The following APBA1 variants were observed in gnomAD, a reference collection of about 807,000 sequenced individuals.
APBA1 encodes the protein amyloid beta precursor protein binding family A member 1, also known as amyloid-beta A4 precursor protein-binding family A member 1.
Under a neutral mutation model 86.6 loss-of-function variants are expected in APBA1, and 55 were observed. The ratio of observed to expected loss-of-function variants is 0.64; its 90% CI spans 0.51 to 0.80. The LOEUF is 0.80. APBA1 is among the 30% of genes least tolerant of loss of function. APBA1 has a pLI of 0.00. For missense variants in APBA1, 1,090 were observed against 1,183.0 expected (o/e 0.92, Z 1.15); for synonymous variants, 511 against 493.9 (o/e 1.03, Z -0.46).
At chr9:69,594,745 T>A (rs1024636974) in intron 1 of APBA1, among the ~76,000 whole-genome samples, 3 of 152,180 alleles carry the variant, frequency 2.0e-5, no homozygotes, top group African/African-American at 7.2e-5. Flanking sequence ...CTACTTTCCA[T>A]CCAACATTTG....
At position 69,476,044 on chromosome 9, in the gene APBA1, C is replaced by T; in HGVS notation, c.1296+4G>A. On this transcript the variant is annotated splice_donor_region_variant and intron_variant, in intron 3 of 12. Transcript: ENST00000265381. ...ATGGCTTTGGTAACAAAACAGCACC[C>T]TACCTCTTTATTAGTGGACGCTTCC... The T allele has an allele frequency of 6.2e-7, 1 of 1,613,150 alleles. No homozygotes were observed. Among genetic ancestry groups the T allele is most frequent in the Non-Finnish European group, 8.5e-7 (1 of 1,179,176 alleles).
intron 1 of APBA1, among the ~76,000 whole-genome samples, chr9:69,621,120 G>C (rs1429573496): frequency 6.6e-6 from 1 of 152,208 alleles, no homozygotes; most frequent in Non-Finnish European, 1.5e-5. Context: ...TTGGCACAAA[G>C]TAAGCATTCA....
chr9:69,433,144 A>G (rs562351463), intron 11 of APBA1, among the ~76,000 whole-genome samples: 1 of 152,326 alleles, frequency 6.6e-6, no homozygotes, highest in Non-Finnish European at 1.5e-5. Context: ...TCCGTGTTCC[A>G]AAGTGTGGCT....
At position 69,432,623 on chromosome 9, in the gene APBA1, C is replaced by T; in HGVS notation, c.2355G>A (p.Gly785=). The change falls in exon 12 of 13, where the codon GGG becomes GGA. Residue 785 remains glycine, a synonymous_variant. Transcript: ENST00000265381. ...GTCCATTGATTTCAATGATCCGGTGCCCCACACGGACGCCTCCTCTCTCAG... is the reference window on the plus strand; with the variant it reads ...GTCCATTGATTTCAATGATCCGGTGTCCCACACGGACGCCTCCTCTCTCAG... ...GIAERGGVRV[G]HRIIEINGQS... 1 of 1,605,606 alleles carries T rather than the reference C, an allele frequency of 6.2e-7. No homozygotes were observed. The highest frequency in any genetic ancestry group is 8.5e-7 in the Non-Finnish European group (1 of 1,176,634).
intron 2 of APBA1, among the ~76,000 whole-genome samples, chr9:69,501,629 A>AAC (rs57033911): frequency 0.034 from 4,838 of 142,038 alleles, 98 homozygotes; most frequent in Non-Finnish European, 0.044. Context: ...GTCTCTACAA[A>AAC]ACACACACAC....
intron 10 of APBA1, among the ~76,000 whole-genome samples, chr9:69,442,706 C>T (rs989740607): frequency 2.6e-5 from 4 of 152,200 alleles, no homozygotes; most frequent in East Asian, 1.9e-4. Flanking sequence ...GAAGGGTGAT[C>T]GTCTGCCTCT....
In APBA1 at chr9:69,601,204, G is replaced by A. The variant is rs1388998061; in HGVS notation, c.-70+70949C>T. 2.6e-5 allele frequency among the ~76,000 whole-genome samples: 4 copies of A among 152,254 alleles called. No individual in the cohort carries two copies. In the East Asian group the frequency reaches 7.7e-4, roughly 29 times the overall value. On this transcript the variant is annotated intron_variant, in intron 1 of 12. Coordinates refer to ENST00000265381, the MANE Select transcript of APBA1 (RefSeq NM_001163.4). ...CAAGAAGTTAATCTATTCCAAAGCC[G>A]AAAGAGCCTTAAACTCCCTTTTTGA...
intron 1 of APBA1, among the ~76,000 whole-genome samples, 181 bp downstream of exon 1, chr9:69,671,972 C>T (rs1425810056): frequency 6.6e-6 from 1 of 152,232 alleles, no homozygotes; most frequent in Non-Finnish European, 1.5e-5. Flanking sequence ...CCCCGCCTCG[C>T]TAGCTGATGG....
chr9:69,446,917 C>T (rs1440825448), intron 10 of APBA1, among the ~76,000 whole-genome samples: 1 of 152,204 alleles, frequency 6.6e-6, no homozygotes, highest in Admixed American at 6.5e-5. Flanking sequence ...CTCCCCTTGT[C>T]TGAGTCTGTT....
At chr9:69,525,839 A>G (rs899411686) in intron 1 of APBA1, among the ~76,000 whole-genome samples, 4 of 152,284 alleles carry the variant, frequency 2.6e-5, no homozygotes, top group Admixed American at 1.3e-4. Context: ...ACAGGGACCA[A>G]AACATCATGG....
chr9:69,516,580 C>A lies in APBA1; in HGVS notation c.631G>T (p.Asp211Tyr), dbSNP rs774645762. 3.7e-6 allele frequency: 6 copies of A among 1,601,796 alleles called. No individual in the cohort carries two copies. In the African/African-American group the frequency reaches 8.0e-5, roughly 21 times the overall value. Residue 211 changes from aspartate to tyrosine, a missense_variant, in exon 2 of 13, where the codon GAC becomes TAC. Physicochemically the swap from Asp to Tyr is radical, Grantham distance 160 (BLOSUM62 -3). Coordinates refer to ENST00000265381, the MANE Select transcript of APBA1 (RefSeq NM_001163.4). This position sits in a 1 kb window ranked among gnomAD's most constrained non-coding sequence, Gnocchi z 7.3. ...IGDAPELDARDGLRLYEQERD... is the reference protein window; with the variant it reads ...IGDAPELDARYGLRLYEQERD... Reference sequence around the variant, plus strand: ...TCCTGCTCGTAGAGCCGCAGGCCGTCGCGTGCGTCCAGCTCGGGCGCGTCC... The same window carrying A: ...TCCTGCTCGTAGAGCCGCAGGCCGTAGCGTGCGTCCAGCTCGGGCGCGTCC...
chr9:69,640,127 G>A (rs117005140), intron 1 of APBA1, among the ~76,000 whole-genome samples: 2,518 of 152,124 alleles, frequency 0.017, 32 homozygotes, highest in Middle Eastern at 0.071. Context: ...TAAAATAAGC[G>A]TTATCCAGGT....
intron 1 of APBA1, among the ~76,000 whole-genome samples, chr9:69,570,166 A>C (rs1414157591): frequency 6.6e-6 from 1 of 152,172 alleles, no homozygotes; most frequent in Non-Finnish European, 1.5e-5. Flanking sequence ...AATAACAGTC[A>C]CTTGCTTTAT....
intron 1 of APBA1, among the ~76,000 whole-genome samples, chr9:69,632,583 C>T (rs1823070438): frequency 6.6e-6 from 1 of 152,084 alleles, no homozygotes; most frequent in South Asian, 2.1e-4. Context: ...GTGTTTACAA[C>T]AGTTCCTGGT....
intron 1 of APBA1, among the ~76,000 whole-genome samples, chr9:69,576,332 T>C (rs1259160108): frequency 6.6e-6 from 1 of 152,196 alleles, no homozygotes; most frequent in African/African-American, 2.4e-5. Flanking sequence ...AGAAATACCA[T>C]TTGACCCAGC....
intron 1 of APBA1, among the ~76,000 whole-genome samples, chr9:69,629,851 T>G (rs141773000): frequency 1.0e-3 from 153 of 152,204 alleles, no homozygotes; most frequent in Admixed American, 3.0e-3. Flanking sequence ...TAATTTCAGA[T>G]AGTGGAGAGT....
intron 1 of APBA1, among the ~76,000 whole-genome samples, chr9:69,651,549 C>T (rs1340673820): frequency 6.6e-6 from 1 of 151,944 alleles, no homozygotes; most frequent in Non-Finnish European, 1.5e-5. Context: ...GATCTAGGCT[C>T]ACTGCAACCT....
chr9:69,590,513 T>A (rs1167403601), intron 1 of APBA1, among the ~76,000 whole-genome samples: 1 of 152,178 alleles, frequency 6.6e-6, no homozygotes, highest in Non-Finnish European at 1.5e-5. Context: ...CACTGAGCAA[T>A]CTGTGTGTGC....
At chr9:69,531,118 G>A (rs7850318) in intron 1 of APBA1, among the ~76,000 whole-genome samples, 123,931 of 152,104 alleles carry the variant, frequency 0.81, 50,603 homozygotes, top group East Asian at 0.91. Flanking sequence ...CTTCCTACAA[G>A]GTCATCAAAA....
Sources: allele counts gnomAD v4.1 joint callset (sites outside exome capture counted in the v4.1 genomes callset), GRCh38; gene constraint gnomAD v4.1.1; non-coding constraint Gnocchi (gnomAD v3.1); transcripts MANE v1.5; gene names NCBI Gene and HGNC (gene_info 2026-07-23, HGNC 2026-07-21).